MEMO1: variants seen among roughly 807,000 people sequenced by gnomAD.
MEMO1 encodes mediator of cell motility 1, also known as protein MEMO1.
MEMO1 carries 6 observed loss-of-function variants against 45.2 expected under a neutral mutation model. The ratio of observed to expected loss-of-function variants is 0.13; its 90% CI spans 0.07 to 0.26. The LOEUF (loss-of-function observed/expected upper bound fraction) is 0.26, where lower values mean the gene tolerates loss of function less well. MEMO1 is among the 10% of genes least tolerant of loss of function. The probability of loss-of-function intolerance (pLI) is 1.00; values close to 1 mark genes in which losing one functional copy is unlikely to be tolerated. For synonymous variants in MEMO1, 78 were observed against 124.3 expected, an observed-to-expected ratio of 0.63 and a Z score of 2.48; for missense variants, 184 against 370.5, an observed-to-expected ratio of 0.50 and a Z score of 4.13.
At chr2:31,938,180 TC>T (rs1209741584) in intron 3 of MEMO1, among the ~76,000 whole-genome samples, 1 of 152,192 alleles carries the variant, frequency 6.6e-6, no homozygotes, top group African/African-American at 2.4e-5. Context: ...CAATATTTAT[TC>T]TTTAATGGTA....
chr2:31,912,498 A>G (rs975847066), intron 6 of MEMO1, among the ~76,000 whole-genome samples: 21 of 150,262 alleles, frequency 1.4e-4, no homozygotes, highest in African/African-American at 4.9e-4. Flanking sequence ...GGGGGACAAG[A>G]ATGAAACTCT....
chr2:31,971,267 A>C (rs1315708127), intron 2 of MEMO1, among the ~76,000 whole-genome samples: 1 of 151,734 alleles, frequency 6.6e-6, no homozygotes, highest in East Asian at 1.9e-4. Flanking sequence ...TTTTTTTTTG[A>C]AAAAGAGTCT....
At chr2:31,896,229 T>C (rs1677790656) in intron 6 of MEMO1, among the ~76,000 whole-genome samples, 1 of 152,248 alleles carries the variant, frequency 6.6e-6, no homozygotes, top group African/African-American at 2.4e-5. Flanking sequence ...CAACTGCATA[T>C]CCATACACCA....
chr2:31,902,352 C>A (rs1558489533), intron 6 of MEMO1, among the ~76,000 whole-genome samples: 1 of 151,432 alleles, frequency 6.6e-6, no homozygotes. Flanking sequence ...GAGCCGAGAT[C>A]ATGCCACTGC....
chr2:31,953,454 A>AT (rs148325193), intron 2 of MEMO1, among the ~76,000 whole-genome samples: 61,618 of 143,824 alleles, frequency 0.43, 13,265 homozygotes, highest in Admixed American at 0.47. Context: ...CTTTCATAAG[A>AT]TTTTTTTTTT....
intron 2 of MEMO1, among the ~76,000 whole-genome samples, chr2:31,996,815 C>T (rs1239299252): frequency 6.6e-6 from 1 of 152,086 alleles, no homozygotes; most frequent in African/African-American, 2.4e-5. Context: ...AATGCAGCCT[C>T]GAACTCCTGG....
In MEMO1 at chr2:31,992,937, A is replaced by G. The variant is rs191125229; in HGVS notation, c.61+17250T>C. On this transcript the variant is annotated intron_variant, in intron 2 of 9. Transcript: ENST00000404530. ...TAAAATACATATTTGAAAACTATGGAAAAAAAATCATCAGAAAATCAAAAG... is the reference window on the plus strand; with the variant it reads ...TAAAATACATATTTGAAAACTATGGGAAAAAAATCATCAGAAAATCAAAAG... 4.3e-3 allele frequency among the ~76,000 whole-genome samples: 654 copies of G among 152,234 alleles called. 3 individuals carry two copies. Among genetic ancestry groups the G allele is most frequent in the Non-Finnish European group, 6.2e-3 (423 of 68,010 alleles).
chr2:31,960,046 A>T (rs574766596), intron 2 of MEMO1, among the ~76,000 whole-genome samples: 2 of 152,212 alleles, frequency 1.3e-5, no homozygotes, highest in South Asian at 4.1e-4. Flanking sequence ...AAAGTACAAA[A>T]ATCAGCCGGG....
intron 2 of MEMO1, among the ~76,000 whole-genome samples, chr2:31,969,571 G>C (rs1403078110): frequency 9.0e-6 from 1 of 111,196 alleles, no homozygotes; most frequent in East Asian, 2.4e-4. Context: ...AATCTTTTCT[G>C]GGGGTGTGTG....
At chr2:31,977,940 A>T (rs1670194706) in intron 2 of MEMO1, among the ~76,000 whole-genome samples, 1 of 152,184 alleles carries the variant, frequency 6.6e-6, no homozygotes, top group South Asian at 2.1e-4. Flanking sequence ...AATCTAGGAT[A>T]TTGCTTTATT....
At chr2:31,954,219 T>C (rs1158026610) in intron 2 of MEMO1, among the ~76,000 whole-genome samples, 2 of 152,200 alleles carry the variant, frequency 1.3e-5, no homozygotes, top group Non-Finnish European at 2.9e-5. Flanking sequence ...CCCACAATCC[T>C]GAAAATGTTT....
chr2:31,936,576 C>T (rs1664948864), intron 3 of MEMO1, among the ~76,000 whole-genome samples: 1 of 152,166 alleles, frequency 6.6e-6, no homozygotes, highest in African/African-American at 2.4e-5. Context: ...AAAGGCCATT[C>T]ATTGCTCATG....
intron 2 of MEMO1, among the ~76,000 whole-genome samples, chr2:31,991,916 C>T (rs1671999695): frequency 6.6e-6 from 1 of 152,004 alleles, no homozygotes. Context: ...AAGAAAATAG[C>T]CAGGTAAAAT....
At chr2:31,957,049 G>C (rs1358049728) in intron 2 of MEMO1, among the ~76,000 whole-genome samples, 1 of 151,798 alleles carries the variant, frequency 6.6e-6, no homozygotes, top group African/African-American at 2.4e-5. Flanking sequence ...GGCTGAAGCA[G>C]GAGAATCACT....
chr2:32,002,244 C>CGT (rs1558570295), intron 2 of MEMO1, among the ~76,000 whole-genome samples: 4 of 134,622 alleles, frequency 3.0e-5, no homozygotes, highest in African/African-American at 8.4e-5. Flanking sequence ...TATACATATA[C>CGT]ATATATACGT....
intron 2 of MEMO1, among the ~76,000 whole-genome samples, chr2:31,982,509 G>A (rs569487800): frequency 6.7e-6 from 1 of 148,696 alleles, no homozygotes; most frequent in African/African-American, 2.5e-5. Flanking sequence ...AGAATCGTTT[G>A]AACCCAGGAG....
intron 2 of MEMO1, among the ~76,000 whole-genome samples, chr2:31,968,278 G>A (rs774986575): frequency 6.6e-6 from 1 of 152,166 alleles, no homozygotes; most frequent in Admixed American, 6.5e-5. Flanking sequence ...GGGGAAATAC[G>A]GGAATAGGAT....
rs758359349 is a variant in MEMO1 at position 31,966,732 on chromosome 2, C to CAAAAAAAAAAAAAAAA, written c.62-23350_62-23349insTTTTTTTTTTTTTTTT. Among the ~76,000 whole-genome samples the CAAAAAAAAAAAAAAAA allele has an allele frequency of 6.5e-3, 759 of 117,658 alleles. 46 individuals carry two copies. Among genetic ancestry groups the CAAAAAAAAAAAAAAAA allele is most frequent in the African/African-American group, 0.023 (736 of 32,558 alleles). The allele number at this position is 117,658 out of a possible 152,430, so 77.2% of individuals were successfully genotyped here. On this transcript the variant is annotated intron_variant, in intron 2 of 9. Coordinates refer to ENST00000404530, the MANE Select transcript of MEMO1 (RefSeq NM_001301833.4). ...TGGGTAACAGAGCAAGACTCTGTCT[C>CAAAAAAAAAAAAAAAA]AAAAAAAAAAAATGAAAAAAATAAA...
chr2:31,917,360 C>T (rs1681609752), intron 6 of MEMO1, among the ~76,000 whole-genome samples: 1 of 152,096 alleles, frequency 6.6e-6, no homozygotes, highest in South Asian at 2.1e-4. Flanking sequence ...ATGTGCTGGA[C>T]ACTGTGCTAG....
Sources: allele counts gnomAD v4.1 joint callset (sites outside exome capture counted in the v4.1 genomes callset), GRCh38; gene constraint gnomAD v4.1.1; transcripts MANE v1.5; gene names NCBI Gene and HGNC (gene_info 2026-07-23, HGNC 2026-07-21).